TEX14: variants seen among roughly 807,000 people sequenced by gnomAD.
TEX14 encodes the protein testis expressed 14, intercellular bridge forming factor, also known as inactive serine/threonine-protein kinase TEX14.
TEX14 carries 168 observed loss-of-function variants against 178.6 expected under a neutral mutation model. The observed-to-expected ratio is 0.94, with a 90% CI of 0.83 to 1.07. The LOEUF is 1.07. Ranked by LOEUF, TEX14 falls within the 50% of genes least tolerant of loss-of-function variation. The probability of loss-of-function intolerance (pLI) is 0.00; values close to 1 mark genes in which losing one functional copy is unlikely to be tolerated. For synonymous variants in TEX14, 626 were observed against 634.1 expected (o/e 0.99, Z 0.19); for missense variants, 1,730 against 1,753.6 (o/e 0.99, Z 0.24).
At chr17:58,669,238 G>A (rs1332001873) in intron 1 of TEX14, among the ~76,000 whole-genome samples, 1 of 151,934 alleles carries the variant, frequency 6.6e-6, no homozygotes, top group Non-Finnish European at 1.5e-5. Flanking sequence ...TCTAATTCCA[G>A]CTACTCAGGA....
chr17:58,617,459 T>A, intron 6 of TEX14, 79 bp downstream of exon 6: 1 of 1,029,604 alleles, frequency 9.7e-7, no homozygotes, highest in South Asian at 1.4e-5. Flanking sequence ...GAGGCAGGAG[T>A]TGGACAAAGG....
At chr17:58,577,293 C>A (rs2044700281) in intron 21 of TEX14, 82 bp downstream of exon 21, 2 of 555,610 alleles carry the variant, frequency 3.6e-6, no homozygotes, top group Non-Finnish European at 5.8e-6. Context: ...TGAAGACAAG[C>A]AATATATAAA....
At chr17:58,589,577 A>G (rs1183445415) in intron 15 of TEX14, among the ~76,000 whole-genome samples, 1 of 139,454 alleles carries the variant, frequency 7.2e-6, no homozygotes, top group African/African-American at 2.7e-5. Flanking sequence ...AAAAAAAAAA[A>G]GTGTGTGCTC....
intron 2 of TEX14, among the ~76,000 whole-genome samples, chr17:58,637,686 T>C (rs556914633): frequency 9.9e-5 from 15 of 152,192 alleles, no homozygotes; most frequent in Admixed American, 2.0e-4. Context: ...TCCATTCAGT[T>C]GCTCATCTGT....
At chr17:58,613,270 T>C (rs987304956) in intron 9 of TEX14, 151 bp downstream of exon 9, 5 of 888,860 alleles carry the variant, frequency 5.6e-6, no homozygotes, top group African/African-American at 1.7e-5. Flanking sequence ...CAGCCTTAAA[T>C]AGCATGTTAT....
At chr17:58,661,320 G>T in intron 1 of TEX14, 1 of 866,312 alleles carries the variant, frequency 1.2e-6, no homozygotes, top group Non-Finnish European at 2.0e-6. Flanking sequence ...GGGTTGACTT[G>T]TTTCATGGTG....
chr17:58,630,499 C>T lies in TEX14; in HGVS notation c.192G>A (p.Ala64=), dbSNP rs1405188943. ...CAACGAATTTCCTAAGGCCCAATAA[C>T]GCCGCAACAAAAAGTGCTGTTTGGC... is the stretch of plus-strand genomic sequence containing the variant. ...SLGQTALFVA[A]LLGLRKFVDV... Residue 64 remains alanine (A), a synonymous_variant, in exon 3 of 32, where the codon GCG becomes GCA. Coordinates refer to ENST00000349033, the MANE Select transcript of TEX14 (RefSeq NM_031272.5). 67 of 1,613,956 alleles carry T rather than the reference C, an allele frequency of 4.2e-5. No homozygotes were observed. Among genetic ancestry groups the T allele is most frequent in the Non-Finnish European group, 5.3e-5 (62 of 1,179,982 alleles).
chr17:58,638,356 TAA>T (rs11307937), intron 2 of TEX14, among the ~76,000 whole-genome samples: 11 of 150,230 alleles, frequency 7.3e-5, no homozygotes, highest in South Asian at 2.1e-4. Context: ...TACAATAAAT[TAA>T]AAAAAAAAAA....
At chr17:58,659,259 AAC>A (rs971736286) in intron 1 of TEX14, 1 of 796,226 alleles carries the variant, frequency 1.3e-6, no homozygotes, top group Non-Finnish European at 1.5e-6. Flanking sequence ...CCCCAAGAAA[AAC>A]ACTTTATCAG....
At chr17:58,659,130 T>C (rs1218695231) in intron 1 of TEX14, among the ~76,000 whole-genome samples, 4 of 150,952 alleles carry the variant, frequency 2.6e-5, no homozygotes, top group Admixed American at 2.0e-4. Context: ...AGCCGTCTTT[T>C]AAACTAGTTC....
chr17:58,688,113 A>T (rs2047631415), intron 1 of TEX14, among the ~76,000 whole-genome samples: 1 of 151,954 alleles, frequency 6.6e-6, no homozygotes, highest in Admixed American at 6.6e-5. Context: ...ACAATTATAG[A>T]CTTTTTTTGT....
rs990936229 is a variant in TEX14, at chr17:58,586,256, T to C, written c.2789-174A>G. 4.6e-5 allele frequency among the ~76,000 whole-genome samples: 7 copies of C among 152,030 alleles called. No individual in the cohort carries two copies. Among genetic ancestry groups the C allele is most frequent in the Non-Finnish European group, 1.0e-4 (7 of 68,000 alleles). On this transcript the variant is annotated intron_variant, in intron 17 of 31. Transcript: ENST00000349033. ...GCTTGAATGGGAGGTCAGGGGAGAA[T>C]TGATGACAGAGAGAGAGAAGGGAAT...
intron 2 of TEX14, among the ~76,000 whole-genome samples, chr17:58,648,776 CT>C (rs953479856): frequency 1.5e-5 from 2 of 133,294 alleles, no homozygotes; most frequent in South Asian, 2.4e-4. Context: ...CTGTGAATTT[CT>C]TTTTTTTTCT....
chr17:58,659,264 T>G (rs113362739), intron 1 of TEX14: 3 of 832,934 alleles, frequency 3.6e-6, no homozygotes, highest in Non-Finnish European at 4.3e-6. Context: ...AGAAAAACAC[T>G]TTATCAGGAC....
intron 19 of TEX14, among the ~76,000 whole-genome samples, chr17:58,579,990 C>T (rs1050553775): frequency 2.0e-5 from 3 of 152,192 alleles, no homozygotes; most frequent in African/African-American, 7.2e-5. Context: ...TATCCCTATT[C>T]AACCCAATCT....
chr17:58,683,005 A>G (rs575837747), intron 1 of TEX14, among the ~76,000 whole-genome samples: 165 of 148,924 alleles, frequency 1.1e-3, no homozygotes, highest in Admixed American at 3.8e-3. Flanking sequence ...ATGTGTCGAG[A>G]TCGCGCCATT....
chr17:58,659,310 T>A, intron 1 of TEX14: 1 of 976,308 alleles, frequency 1.0e-6, no homozygotes, highest in Non-Finnish European at 1.2e-6. Flanking sequence ...AGACATTATT[T>A]ACTTAATATT....
intron 2 of TEX14, among the ~76,000 whole-genome samples, chr17:58,643,094 ACTG>A (rs947845523): frequency 1.3e-5 from 2 of 152,228 alleles, no homozygotes; most frequent in Non-Finnish European, 2.9e-5. Flanking sequence ...ATGCTGACTA[ACTG>A]AATGAATGAT....
chr17:58,679,890 C>T (rs531393786), intron 1 of TEX14, among the ~76,000 whole-genome samples: 1 of 152,274 alleles, frequency 6.6e-6, no homozygotes, highest in South Asian at 2.1e-4. Flanking sequence ...AAATAGCCAG[C>T]AGTCACTGCG....
Sources: allele counts gnomAD v4.1 joint callset (sites outside exome capture counted in the v4.1 genomes callset), GRCh38; gene constraint gnomAD v4.1.1; transcripts MANE v1.5; gene names NCBI Gene and HGNC (gene_info 2026-07-23, HGNC 2026-07-21).